The following SLIT3 variants were observed in gnomAD, a reference collection of about 807,000 sequenced individuals.
SLIT3 encodes slit guidance ligand 3.
In SLIT3, 68 loss-of-function variants were observed where a neutral mutation model predicts 184.0. The observed-to-expected ratio is 0.37, with a 90% CI of 0.30 to 0.45. SLIT3 has a LOEUF of 0.45. SLIT3 is among the 20% of genes least tolerant of loss of function. The pLI is 1.00. For missense variants in SLIT3, 1,707 were observed against 2,026.0 expected, an observed-to-expected ratio of 0.84 and a Z score of 3.02; for synonymous variants, 831 against 828.6, an observed-to-expected ratio of 1.00 and a Z score of -0.05.
chr5:169,187,555 C>CTTTTTT (rs796812191), intron 4 of SLIT3, among the ~76,000 whole-genome samples: 8 of 89,048 alleles, frequency 9.0e-5, no homozygotes, highest in East Asian at 8.6e-4. Flanking sequence ...TTCTTTCTTT[C>CTTTTTT]TTTCTTTTTT....
At position 169,220,887 on chromosome 5, in the gene SLIT3, C is replaced by T. The variant is rs982635220; in HGVS notation, c.341+23818G>A. 3.9e-5 allele frequency among the ~76,000 whole-genome samples: 6 copies of T among 152,178 alleles called. No homozygotes were observed. In the South Asian group the frequency reaches 1.0e-3, roughly 26 times the overall value. On this transcript the variant is annotated intron_variant, in intron 3 of 35. Transcript: ENST00000519560. ...CTTCAGGTCACTCGATCTATACAAT[C>T]CTACTACCCCCCAACTTCTCCCTTC...
chr5:169,110,834 C>A (rs558221883), intron 4 of SLIT3, among the ~76,000 whole-genome samples: 27 of 152,216 alleles, frequency 1.8e-4, no homozygotes, highest in Non-Finnish European at 4.0e-4. Context: ...AGCCAACTGT[C>A]CACTTCCCAG....
chr5:169,213,455 A>G lies in SLIT3; in HGVS notation c.342-19905T>C, dbSNP rs531637962. ...TTTAAACTTCATATAGAACCAAAAA[A>G]GAGCCTGCATAGCCAAGACAATCCT... On this transcript the variant is annotated intron_variant, in intron 3 of 35. Transcript: ENST00000519560. Among the ~76,000 whole-genome samples the G allele has an allele frequency of 3.2e-4, 49 of 152,340 alleles. 1 individual carries two copies. Among genetic ancestry groups the G allele is most frequent in the South Asian group, 8.3e-4 (4 of 4,828 alleles).
At chr5:169,148,795 G>A (rs1762018765) in intron 4 of SLIT3, among the ~76,000 whole-genome samples, 1 of 152,042 alleles carries the variant, frequency 6.6e-6, no homozygotes, top group Non-Finnish European at 1.5e-5. Context: ...TTAAACAGTA[G>A]TGGAGCTGAC....
chr5:168,971,005 C>T (rs545784061), intron 4 of SLIT3, among the ~76,000 whole-genome samples: 1 of 152,264 alleles, frequency 6.6e-6, no homozygotes, highest in East Asian at 1.9e-4. Flanking sequence ...TCCATCTGCC[C>T]AACAATTCAT....
chr5:168,704,657 G>GT (rs1762325182), intron 26 of SLIT3, among the ~76,000 whole-genome samples: 1 of 152,214 alleles, frequency 6.6e-6, no homozygotes, highest in Admixed American at 6.5e-5. Context: ...TGTTTAAACT[G>GT]CTTCACAAAG....
At chr5:168,783,143 G>T (rs935902217) in intron 12 of SLIT3, among the ~76,000 whole-genome samples, 1 of 152,156 alleles carries the variant, frequency 6.6e-6, no homozygotes, top group African/African-American at 2.4e-5. Context: ...GAGCCCTGAT[G>T]TTCCTTTGAA....
chr5:168,721,113 A>G (rs1238175542), intron 23 of SLIT3, among the ~76,000 whole-genome samples: 1 of 152,202 alleles, frequency 6.6e-6, no homozygotes, highest in Non-Finnish European at 1.5e-5. Context: ...GTTGATCACT[A>G]TTATAGTAAT....
chr5:169,054,216 T>TAAAAAAA (rs35649544), intron 4 of SLIT3, among the ~76,000 whole-genome samples: 2 of 69,792 alleles, frequency 2.9e-5, no homozygotes, highest in African/African-American at 5.2e-5. Flanking sequence ...AGAGAGACAC[T>TAAAAAAA]AAAAAAAAAA....
chr5:168,912,698 C>T (rs1761289609), intron 4 of SLIT3, among the ~76,000 whole-genome samples: 1 of 152,198 alleles, frequency 6.6e-6, no homozygotes, highest in African/African-American at 2.4e-5. Context: ...TACTATGTCT[C>T]TATGATGTAT....
chr5:169,001,386 C>A (rs528267376), intron 4 of SLIT3, among the ~76,000 whole-genome samples: 1 of 152,198 alleles, frequency 6.6e-6, no homozygotes, highest in African/African-American at 2.4e-5. Flanking sequence ...GGAGAGGCAC[C>A]TATCTTTTGA....
At chr5:168,743,403 G>A (rs185481105) in intron 20 of SLIT3, among the ~76,000 whole-genome samples, 4 of 152,244 alleles carry the variant, frequency 2.6e-5, no homozygotes, top group Admixed American at 2.0e-4. Context: ...ATGGTGATCT[G>A]TGATCAGTGA....
chr5:168,753,618 G>A (rs2288790), intron 17 of SLIT3, among the ~76,000 whole-genome samples: 12,805 of 152,228 alleles, frequency 0.084, 559 homozygotes, highest in South Asian at 0.1. Context: ...ATACACGAGA[G>A]TGGGTGACTA....
chr5:169,290,943 G>A, intron 1 of SLIT3, among the ~76,000 whole-genome samples: 1 of 152,124 alleles, frequency 6.6e-6, no homozygotes, highest in East Asian at 1.9e-4. Context: ...ACAGGAGCTA[G>A]AGAGGTAGAA....
At chr5:169,010,723 G>A (rs906345967) in intron 4 of SLIT3, among the ~76,000 whole-genome samples, 1 of 151,980 alleles carries the variant, frequency 6.6e-6, no homozygotes, top group African/African-American at 2.4e-5. Context: ...GCAACATGGC[G>A]AAACCCCGTC....
At chr5:169,080,153 C>A (rs1758969039) in intron 4 of SLIT3, among the ~76,000 whole-genome samples, 1 of 151,890 alleles carries the variant, frequency 6.6e-6, no homozygotes, top group South Asian at 2.1e-4. Flanking sequence ...AACATCAAGG[C>A]TAGGGGGATA....
At chr5:168,944,966 T>C (rs1041366663) in intron 4 of SLIT3, among the ~76,000 whole-genome samples, 4 of 151,884 alleles carry the variant, frequency 2.6e-5, no homozygotes, top group African/African-American at 7.3e-5. Context: ...GAAATAGAGA[T>C]GAGTATCAGG....
chr5:169,213,276 A>T (rs1764329775), intron 3 of SLIT3, among the ~76,000 whole-genome samples: 1 of 152,162 alleles, frequency 6.6e-6, no homozygotes, highest in South Asian at 2.1e-4. Flanking sequence ...GGCCCTCTTC[A>T]AGGAGAACCA....
At chr5:169,225,764 C>T (rs1307585188) in intron 3 of SLIT3, among the ~76,000 whole-genome samples, 1 of 152,142 alleles carries the variant, frequency 6.6e-6, no homozygotes. Context: ...GCAGAGGTGA[C>T]ACTAGAGAGG....
Sources: allele counts gnomAD v4.1 joint callset (sites outside exome capture counted in the v4.1 genomes callset), GRCh38; gene constraint gnomAD v4.1.1; transcripts MANE v1.5; gene names NCBI Gene and HGNC (gene_info 2026-07-23, HGNC 2026-07-21).